The following ROBO2 variants were observed in gnomAD, a reference collection of about 807,000 sequenced individuals.
ROBO2 encodes the protein roundabout homolog 2.
In ROBO2, 53 loss-of-function variants were observed where a neutral mutation model predicts 160.8. The observed-to-expected ratio is 0.33, with a 90% confidence interval of 0.26 to 0.41. The LOEUF is 0.41. Among genes scored for constraint, ROBO2 ranks in the 10% least tolerant of loss-of-function variants. The pLI is 1.00. For synonymous variants in ROBO2, 664 were observed against 611.7 expected (o/e 1.09, Z -1.26); for missense variants, 1,577 against 1,722.4 (o/e 0.92, Z 1.49).
intron 2 of ROBO2, among the ~76,000 whole-genome samples, chr3:76,107,206 C>T (rs1273669238): frequency 6.6e-6 from 1 of 151,972 alleles, no homozygotes; most frequent in Non-Finnish European, 1.5e-5. Context: ...GTTACTACTC[C>T]ATCACAGAGA....
At chr3:77,188,974 A>T (rs1255258018) in intron 2 of ROBO2, among the ~76,000 whole-genome samples, 36 of 145,090 alleles carry the variant, frequency 2.5e-4, no homozygotes, top group Non-Finnish European at 4.3e-4. Flanking sequence ...TGTGTGAGAG[A>T]GAGAGAGAGA....
At chr3:77,197,106 A>G (rs2082381936) in intron 2 of ROBO2, among the ~76,000 whole-genome samples, 1 of 152,224 alleles carries the variant, frequency 6.6e-6, no homozygotes, top group Admixed American at 6.5e-5. Flanking sequence ...TTATGGAATC[A>G]TGAAAAAATA....
At chr3:77,342,566 T>C (rs1474872985) in intron 2 of ROBO2, among the ~76,000 whole-genome samples, 2 of 152,174 alleles carry the variant, frequency 1.3e-5, no homozygotes, top group Non-Finnish European at 1.5e-5. Flanking sequence ...GAATATCTTT[T>C]TCCTGCACCT....
chr3:76,764,079 ACT>A (rs2108414376), intron 2 of ROBO2, among the ~76,000 whole-genome samples: 1 of 151,856 alleles, frequency 6.6e-6, no homozygotes, highest in African/African-American at 2.4e-5. Context: ...TAATTAGCCA[ACT>A]CACACACAGT....
chr3:77,370,288 C>T (rs1428333231), intron 2 of ROBO2, among the ~76,000 whole-genome samples: 1 of 152,156 alleles, frequency 6.6e-6, no homozygotes, highest in East Asian at 1.9e-4. Flanking sequence ...TACTACATTG[C>T]TTGAAACGGA....
In ROBO2 at chr3:77,121,861, G is replaced by A. The variant is rs145815655; in HGVS notation, c.388+23521G>A. Among the ~76,000 whole-genome samples the A allele has an allele frequency of 3.9e-3, 597 of 151,982 alleles. 7 individuals carry two copies. The highest frequency in any genetic ancestry group is 0.014 in the Middle Eastern group (4 of 294). On this transcript the variant is annotated intron_variant, in intron 2 of 25. Coordinates refer to ENST00000461745, the Ensembl canonical transcript of ROBO2. ...ATAAATTGAGCTTTAATTATGTTCT[G>A]GAAATTTTCATACACATTTCATCTT...
chr3:77,000,866 C>T (rs899208930), intron 2 of ROBO2, among the ~76,000 whole-genome samples: 1 of 152,138 alleles, frequency 6.6e-6, no homozygotes. Context: ...ACAGATGCTA[C>T]CTCATTTGTT....
At chr3:76,932,552 C>A (rs970983753) in intron 2 of ROBO2, among the ~76,000 whole-genome samples, 2 of 151,978 alleles carry the variant, frequency 1.3e-5, no homozygotes, top group African/African-American at 4.8e-5. Flanking sequence ...GACTCCAAAG[C>A]CTATTCTGGC....
chr3:76,253,000 A>AC (rs912618775), intron 2 of ROBO2, among the ~76,000 whole-genome samples: 6 of 152,006 alleles, frequency 3.9e-5, no homozygotes, highest in African/African-American at 1.4e-4. Context: ...AGGCCCCCCC[A>AC]CATTATCAAA....
intron 2 of ROBO2, among the ~76,000 whole-genome samples, chr3:76,823,919 T>C (rs2066342535): frequency 6.6e-6 from 1 of 152,174 alleles, no homozygotes; most frequent in African/African-American, 2.4e-5. Flanking sequence ...TGAGCTGTTA[T>C]AATAAAAACA....
intron 1 of ROBO2, among the ~76,000 whole-genome samples, chr3:77,076,297 CTT>C (rs1012789999): frequency 2.0e-5 from 3 of 152,012 alleles, no homozygotes; most frequent in Non-Finnish European, 2.9e-5. Flanking sequence ...TATGAAGACT[CTT>C]TAACTTTTTA....
intron 2 of ROBO2, among the ~76,000 whole-genome samples, chr3:76,381,260 C>T (rs1296310269): frequency 6.6e-6 from 1 of 152,018 alleles, no homozygotes; most frequent in Non-Finnish European, 1.5e-5. Flanking sequence ...CCTAGGGACT[C>T]ATTTAGACCA....
At chr3:76,759,974 A>G (rs1450164936) in intron 2 of ROBO2, among the ~76,000 whole-genome samples, 1 of 151,754 alleles carries the variant, frequency 6.6e-6, no homozygotes, top group African/African-American at 2.4e-5. Context: ...ATTCTCATCC[A>G]TAACATTGAA....
intron 2 of ROBO2, among the ~76,000 whole-genome samples, chr3:76,652,134 T>C (rs982733667): frequency 6.6e-6 from 1 of 152,184 alleles, no homozygotes; most frequent in Admixed American, 6.5e-5. Flanking sequence ...ATGCTCTCAT[T>C]AGGAGACCAA....
intron 2 of ROBO2, among the ~76,000 whole-genome samples, chr3:75,996,238 T>G (rs2065722395): frequency 6.6e-6 from 1 of 152,196 alleles, no homozygotes. Flanking sequence ...AATCTCTACA[T>G]GTCATGGGAG....
chr3:75,923,021 GAC>G (rs1321524723), intron 1 of ROBO2, among the ~76,000 whole-genome samples: 3 of 152,138 alleles, frequency 2.0e-5, no homozygotes, highest in African/African-American at 7.2e-5. Flanking sequence ...CAGGTATAAA[GAC>G]ACACACATCA....
chr3:77,375,518 G>A (rs370382755), intron 2 of ROBO2, among the ~76,000 whole-genome samples: 1 of 152,118 alleles, frequency 6.6e-6, no homozygotes, highest in East Asian at 1.9e-4. Flanking sequence ...TTTCACTTGT[G>A]TTGACTAGTA....
intron 2 of ROBO2, among the ~76,000 whole-genome samples, chr3:76,074,362 T>G (rs2107983223): frequency 6.6e-6 from 1 of 152,330 alleles, no homozygotes; most frequent in Admixed American, 6.5e-5. Flanking sequence ...AACGCCTTAC[T>G]TCATTAAGGC....
chr3:76,809,652 G>A (rs796451655), intron 2 of ROBO2, among the ~76,000 whole-genome samples: 6 of 152,064 alleles, frequency 3.9e-5, no homozygotes, highest in African/African-American at 1.4e-4. Flanking sequence ...TGAATTTGTT[G>A]GTCACTCTTA....
Sources: allele counts gnomAD v4.1 joint callset (sites outside exome capture counted in the v4.1 genomes callset), GRCh38; gene constraint gnomAD v4.1.1; transcripts MANE v1.5; gene names NCBI Gene and HGNC (gene_info 2026-07-23, HGNC 2026-07-21).